The following DIPK1C variants were observed in gnomAD, a reference collection of about 807,000 sequenced individuals.
DIPK1C encodes the protein familial non-conventional Alzheimer's dementia.
Under a neutral mutation model 28.0 loss-of-function variants are expected in DIPK1C, and 33 were observed. The observed-to-expected ratio is 1.18, with a 90% CI of 0.89 to 1.58. DIPK1C has a LOEUF of 1.58. DIPK1C is among the 40% of genes most tolerant of loss of function. DIPK1C has a pLI of 0.00. For missense variants in DIPK1C, 569 were observed against 568.5 expected (o/e 1.00, Z -0.01); for synonymous variants, 255 against 248.8 (o/e 1.02, Z -0.23).
chr18:74,445,202 A>C (rs1986231800), intron 2 of DIPK1C, among the ~76,000 whole-genome samples: 2 of 152,070 alleles, frequency 1.3e-5, no homozygotes, highest in Non-Finnish European at 2.9e-5. Context: ...CCAAGGCCTT[A>C]GTGTGGCTGT....
At chr18:74,446,226 G>A (rs1341724185) in intron 2 of DIPK1C, among the ~76,000 whole-genome samples, 1 of 152,188 alleles carries the variant, frequency 6.6e-6, no homozygotes, top group Non-Finnish European at 1.5e-5. Context: ...CTCCCTCATG[G>A]TCTTCTGCAG....
intron 1 of DIPK1C, among the ~76,000 whole-genome samples, chr18:74,448,986 G>A (rs1986336467): frequency 6.6e-6 from 1 of 152,116 alleles, no homozygotes; most frequent in Non-Finnish European, 1.5e-5. Flanking sequence ...GTGCATGCCT[G>A]TAGTCCCAGC....
intron 1 of DIPK1C, among the ~76,000 whole-genome samples, chr18:74,454,551 T>C (rs1373297704): frequency 1.3e-5 from 2 of 152,262 alleles, no homozygotes; most frequent in African/African-American, 2.4e-5. Flanking sequence ...TGGTTTCTTC[T>C]GTGCTCTGGT....
intron 1 of DIPK1C, among the ~76,000 whole-genome samples, chr18:74,450,115 C>T (rs1170884531): frequency 6.6e-6 from 1 of 152,012 alleles, no homozygotes; most frequent in Non-Finnish European, 1.5e-5. Context: ...ATGGCAGGAA[C>T]AGTAAGGGCT....
intron 3 of DIPK1C, among the ~76,000 whole-genome samples, chr18:74,436,922 G>A (rs1254128437): frequency 6.9e-6 from 1 of 144,496 alleles, no homozygotes; most frequent in Non-Finnish European, 1.5e-5. Context: ...ATGAACAAAA[G>A]ACGCCTCCGA....
chr18:74,440,093 C>T (rs113216745), intron 3 of DIPK1C, among the ~76,000 whole-genome samples: 10 of 151,952 alleles, frequency 6.6e-5, no homozygotes, highest in East Asian at 1.9e-4. Flanking sequence ...TGCAGGCGCC[C>T]GCCACCTCGC....
chr18:74,453,698 G>GT (rs750357508), intron 1 of DIPK1C, among the ~76,000 whole-genome samples: 17 of 152,146 alleles, frequency 1.1e-4, no homozygotes, highest in Non-Finnish European at 2.1e-4. Flanking sequence ...TATACGAGTT[G>GT]TTATGTAGGG....
chr18:74,441,835 C>A (rs890099385), intron 3 of DIPK1C, 117 bp downstream of exon 3: 24 of 1,146,068 alleles, frequency 2.1e-5, no homozygotes, highest in Admixed American at 4.5e-5. Flanking sequence ...CACATCGATC[C>A]AGATGGATGG....
At chr18:74,441,453 T>C (rs1740580764) in intron 3 of DIPK1C, among the ~76,000 whole-genome samples, 1 of 152,178 alleles carries the variant, frequency 6.6e-6, no homozygotes, top group African/African-American at 2.4e-5. Flanking sequence ...GAACCCTGTA[T>C]GTATTCCACT....
intron 1 of DIPK1C, among the ~76,000 whole-genome samples, chr18:74,450,313 T>C (rs956464028): frequency 3.9e-5 from 6 of 152,216 alleles, no homozygotes; most frequent in Non-Finnish European, 7.3e-5. Flanking sequence ...TATAGTGTTA[T>C]CACATATCTA....
At chr18:74,444,091 G>A (rs1986206965) in intron 2 of DIPK1C, among the ~76,000 whole-genome samples, 1 of 151,516 alleles carries the variant, frequency 6.6e-6, no homozygotes, top group East Asian at 1.9e-4. Flanking sequence ...TTAATATCAG[G>A]AGAATCATAA....
In DIPK1C at chr18:74,447,159, C is replaced by T. The variant is rs1986289817; in HGVS notation, c.323G>A (p.Trp108Ter). The change falls in exon 2 of 4, where the codon TGG becomes TAG. Residue 108 changes from tryptophan (W) to a stop codon, truncating the protein, a stop_gained. Transcript: ENST00000343998. LOFTEE classifies it high-confidence loss of function. The surrounding 1 kb of genome is among the most constrained non-coding windows in gnomAD (Gnocchi z 4.1). ...CTTGAGGACCACGGGCCGGCCGCGC[C>T]AGTCGGCCTGCAGCACCTTCTTGCC... ...NRGKKVLQAD[W>*]RGRPVVLKSK... 1 of 1,550,582 alleles carries T rather than the reference C, an allele frequency of 6.4e-7. No homozygotes were observed. The highest frequency in any genetic ancestry group is 8.7e-7 in the Non-Finnish European group (1 of 1,146,988).
intron 1 of DIPK1C, among the ~76,000 whole-genome samples, chr18:74,456,648 G>C (rs1023100619): frequency 1.3e-5 from 2 of 152,222 alleles, no homozygotes; most frequent in African/African-American, 4.8e-5. Context: ...GGACCCGAGA[G>C]ACAGAGGCGT....
intron 3 of DIPK1C, among the ~76,000 whole-genome samples, chr18:74,439,311 C>A (rs553020919): frequency 6.6e-6 from 1 of 152,224 alleles, no homozygotes; most frequent in South Asian, 2.1e-4. Context: ...GAGGAGGGAG[C>A]TACCATGGTG....
upstream of DIPK1C, among the ~76,000 whole-genome samples, chr18:74,461,123 G>A (rs1986609764): frequency 6.6e-6 from 1 of 152,184 alleles, no homozygotes; most frequent in South Asian, 2.1e-4. Flanking sequence ...AGGAACTGGA[G>A]TGGGCCAAGG....
chr18:74,452,367 C>T (rs963039558), intron 1 of DIPK1C, among the ~76,000 whole-genome samples: 4 of 151,982 alleles, frequency 2.6e-5, no homozygotes, highest in Non-Finnish European at 2.9e-5. Flanking sequence ...CATGTCTGTG[C>T]CTGCTAAGCA....
chr18:74,446,163 T>C (rs1399869181), intron 2 of DIPK1C, among the ~76,000 whole-genome samples: 3 of 152,226 alleles, frequency 2.0e-5, no homozygotes, highest in South Asian at 2.1e-4. Flanking sequence ...AAGTTACATG[T>C]TGTCACAGAG....
At chr18:74,440,416 G>A (rs772947075) in intron 3 of DIPK1C, among the ~76,000 whole-genome samples, 11 of 152,164 alleles carry the variant, frequency 7.2e-5, no homozygotes, top group East Asian at 1.9e-4. Context: ...CCTCAAGAGA[G>A]AAGTAATTCA....
At chr18:74,457,361 A>G (rs1389774373), upstream of DIPK1C, 4 of 864,050 alleles carry the variant, frequency 4.6e-6, no homozygotes, top group Non-Finnish European at 5.6e-6. Flanking sequence ...GGGAGGGGGA[A>G]CGGGGGAGGG....
Sources: gnomAD v4.1 joint callset for allele counts (sites outside exome capture counted in the v4.1 genomes callset) on GRCh38, gnomAD v4.1.1 for gene constraint, Gnocchi (gnomAD v3.1) non-coding constraint, MANE v1.5 for transcripts, NCBI Gene and HGNC (gene_info 2026-07-23, HGNC 2026-07-21) for gene names.